ERC2: variants seen among roughly 807,000 people sequenced by gnomAD.
ERC2 encodes the protein ERC protein 2.
Under a neutral mutation model 114.8 loss-of-function variants are expected in ERC2, and 42 were observed. That is an observed-to-expected ratio of 0.37 (90% CI 0.29 to 0.47). The LOEUF (loss-of-function observed/expected upper bound fraction) is 0.47, where lower values mean the gene tolerates loss of function less well. Among genes scored for constraint, ERC2 ranks in the 20% least tolerant of loss-of-function variants. The pLI is 0.99. For missense variants in ERC2, 939 were observed against 1,150.7 expected (o/e 0.82, Z 2.66); for synonymous variants, 454 against 425.5 (o/e 1.07, Z -0.82).
In ERC2 at chr3:55,707,940, A is replaced by G. The variant is rs188091501; in HGVS notation, c.2713-8428T>C. On this transcript the variant is annotated intron_variant, in intron 15 of 17. Coordinates refer to ENST00000288221, the MANE Select transcript of ERC2 (RefSeq NM_015576.3). ...GGATTAAGCAACTAATCAGAGCTCA[A>G]ATAACTGGTAGATCTGAGGCTCTGA... Among the ~76,000 whole-genome samples, 3 of 152,208 alleles carry G rather than the reference A, an allele frequency of 2.0e-5. No individual in the cohort carries two copies. In the South Asian group the frequency reaches 6.2e-4, roughly 32 times the overall value.
At chr3:56,049,053 G>T (rs898070411) in intron 7 of ERC2, among the ~76,000 whole-genome samples, 1 of 152,164 alleles carries the variant, frequency 6.6e-6, no homozygotes, top group Non-Finnish European at 1.5e-5. Flanking sequence ...ATGGCCAAAG[G>T]GGGGCAGGCA....
intron 14 of ERC2, among the ~76,000 whole-genome samples, chr3:55,845,453 G>A (rs1185181730): frequency 7.6e-6 from 1 of 131,244 alleles, no homozygotes; most frequent in Non-Finnish European, 1.5e-5. Flanking sequence ...GCAGTGAGCC[G>A]AGATCCCGCC....
At chr3:55,899,287 T>G (rs1246972956) in intron 13 of ERC2, among the ~76,000 whole-genome samples, 1 of 152,212 alleles carries the variant, frequency 6.6e-6, no homozygotes, top group Non-Finnish European at 1.5e-5. Context: ...TCTGGATTTA[T>G]TCTAAGGATA....
At chr3:55,781,521 T>C (rs1297907966) in intron 14 of ERC2, among the ~76,000 whole-genome samples, 1 of 151,976 alleles carries the variant, frequency 6.6e-6, no homozygotes, top group Non-Finnish European at 1.5e-5. Flanking sequence ...ATGGCTTAAT[T>C]CCTTGCTCCC....
At chr3:55,940,128 G>A (rs2066692110) in intron 13 of ERC2, among the ~76,000 whole-genome samples, 2 of 152,092 alleles carry the variant, frequency 1.3e-5, no homozygotes, top group South Asian at 2.1e-4. Context: ...TGACCTGCAT[G>A]TTCTATTTTG....
intron 14 of ERC2, among the ~76,000 whole-genome samples, chr3:55,830,301 C>T (rs2060512423): frequency 6.6e-6 from 1 of 152,116 alleles, no homozygotes; most frequent in African/African-American, 2.4e-5. Flanking sequence ...TTATCAATGG[C>T]AGACCTACTC....
intron 3 of ERC2, among the ~76,000 whole-genome samples, chr3:56,225,870 C>T (rs1032849213): frequency 6.6e-6 from 1 of 152,028 alleles, no homozygotes; most frequent in Non-Finnish European, 1.5e-5. Context: ...ACCAGGCAGG[C>T]AAACACTCAT....
intron 12 of ERC2, among the ~76,000 whole-genome samples, chr3:55,980,106 G>GA (rs35299238): frequency 0.24 from 19,685 of 81,096 alleles, 2,073 homozygotes; most frequent in East Asian, 0.39. Context: ...GTGTAAATTA[G>GA]AAAAAAAAAA....
intron 13 of ERC2, among the ~76,000 whole-genome samples, chr3:55,946,197 G>C (rs2067118821): frequency 6.6e-6 from 1 of 152,114 alleles, no homozygotes; most frequent in Non-Finnish European, 1.5e-5. Context: ...GGGACACACA[G>C]AAGCCCAAAG....
chr3:56,157,633 G>A (rs1190090791), intron 4 of ERC2, among the ~76,000 whole-genome samples: 1 of 152,094 alleles, frequency 6.6e-6, no homozygotes, highest in Non-Finnish European at 1.5e-5. Flanking sequence ...CTAGCAAGCT[G>A]AACTTGCTCT....
At chr3:55,825,989 CAGAG>C (rs915091661) in intron 14 of ERC2, among the ~76,000 whole-genome samples, 12 of 131,498 alleles carry the variant, frequency 9.1e-5, no homozygotes, top group Non-Finnish European at 3.1e-5. Flanking sequence ...GAAGGAAAGA[CAGAG>C]GGAGGGAAGG....
chr3:55,837,759 A>C (rs905909091), intron 14 of ERC2, among the ~76,000 whole-genome samples: 8 of 152,192 alleles, frequency 5.3e-5, no homozygotes, highest in African/African-American at 1.4e-4. Context: ...GTAATAAAAA[A>C]AAAGACAGAA....
intron 13 of ERC2, among the ~76,000 whole-genome samples, chr3:55,933,624 G>A (rs2066257199): frequency 6.6e-6 from 1 of 152,174 alleles, no homozygotes; most frequent in South Asian, 2.1e-4. Flanking sequence ...AATTAACCAA[G>A]TAGCCGTCAA....
chr3:55,886,079 C>G (rs1385612653), intron 14 of ERC2, among the ~76,000 whole-genome samples: 1 of 152,104 alleles, frequency 6.6e-6, no homozygotes, highest in African/African-American at 2.4e-5. Context: ...TTGAGAACAG[C>G]TGGAAAACAA....
chr3:55,755,412 A>G (rs1026625327), intron 14 of ERC2, among the ~76,000 whole-genome samples: 2 of 152,168 alleles, frequency 1.3e-5, no homozygotes, highest in African/African-American at 2.4e-5. Flanking sequence ...ACAAATCACA[A>G]ATTAAGAGCA....
chr3:56,293,934 T>C (rs2055259338), intron 3 of ERC2, among the ~76,000 whole-genome samples: 1 of 152,248 alleles, frequency 6.6e-6, no homozygotes, highest in African/African-American at 2.4e-5. Context: ...GACTCCACCC[T>C]GACCACAAGA....
intron 6 of ERC2, among the ~76,000 whole-genome samples, chr3:56,120,493 T>C (rs1056700885): frequency 6.6e-6 from 1 of 152,162 alleles, no homozygotes; most frequent in African/African-American, 2.4e-5. Context: ...GAGATTGTAG[T>C]GTTGAGATTA....
At chr3:55,708,966 A>G (rs2063629811) in intron 15 of ERC2, among the ~76,000 whole-genome samples, 1 of 152,146 alleles carries the variant, frequency 6.6e-6, no homozygotes, top group Admixed American at 6.5e-5. Context: ...GTTTGCAGGT[A>G]TTGAGATTCG....
intron 6 of ERC2, among the ~76,000 whole-genome samples, chr3:56,089,055 T>C (rs2077651236): frequency 6.6e-6 from 1 of 152,160 alleles, no homozygotes; most frequent in Non-Finnish European, 1.5e-5. Context: ...TACTTAAAAA[T>C]ATTTCAGCAT....
Sources: allele counts gnomAD v4.1 joint callset (sites outside exome capture counted in the v4.1 genomes callset), GRCh38; gene constraint gnomAD v4.1.1; transcripts MANE v1.5; gene names NCBI Gene and HGNC (gene_info 2026-07-23, HGNC 2026-07-21).